Variants in MMP7 observed in about 807,000 individuals in gnomAD.
MMP7 encodes matrix metallopeptidase 7, also known as matrilysin.
MMP7 carries 26 observed loss-of-function variants against 31.5 expected under a neutral mutation model. The observed-to-expected ratio is 0.83, with a 90% CI of 0.61 to 1.15. MMP7 has a LOEUF of 1.15. Among genes scored for constraint, MMP7 ranks in the 50% most tolerant of loss-of-function variants. The pLI is 0.00. For synonymous variants in MMP7, 142 were observed against 124.2 expected (o/e 1.14, Z -0.95); for missense variants, 367 against 326.5 (o/e 1.12, Z -0.96).
Position 102,527,767 on chromosome 11 carries a change from C to T in MMP7, c.325G>A (p.Val109Ile). The change falls in exon 2 of 6, where the codon GTC (valine) becomes ATC (isoleucine). Residue 109 changes from valine to isoleucine, a missense_variant. Coordinates refer to ENST00000260227, the MANE Select transcript of MMP7 (RefSeq NM_002423.5). ...PNSPKWTSKV[V>I]TYRIVSYTRD... Reference sequence around the variant, plus strand: ...CAGAGCAAAACTAACCTGTAGGTGACCACTTTGGAAGTCCATTTTGGGCTA... The same window carrying T: ...CAGAGCAAAACTAACCTGTAGGTGATCACTTTGGAAGTCCATTTTGGGCTA... The T allele has an allele frequency of 6.2e-7, 1 of 1,614,154 alleles. No homozygotes were observed. Among genetic ancestry groups the T allele is most frequent in the Non-Finnish European group, 8.5e-7 (1 of 1,180,006 alleles).
intron 4 of MMP7, 175 bp downstream of exon 4, chr11:102,524,761 C>T: frequency 1.9e-6 from 1 of 540,428 alleles, no homozygotes; most frequent in Non-Finnish European, 2.7e-6. Flanking sequence ...TGTCCATCTT[C>T]TGTGTGTAGC....
chr11:102,521,675 T>G (rs1018232183), intron 5 of MMP7, among the ~76,000 whole-genome samples: 3 of 152,228 alleles, frequency 2.0e-5, no homozygotes, highest in Non-Finnish European at 4.4e-5. Flanking sequence ...TGACCAGAGA[T>G]GCCCTTTTGT....
At chr11:102,523,189 C>T (rs771980200) in intron 5 of MMP7, 51 bp downstream of exon 5, 3 of 1,422,478 alleles carry the variant, frequency 2.1e-6, no homozygotes, top group South Asian at 1.4e-5. Flanking sequence ...TTTCCTACCC[C>T]ACTCTAAAAA....
Position 102,527,945 on chromosome 11 carries a change from T to C in MMP7, c.147A>G (p.Thr49=). 3.7e-6 allele frequency: 6 copies of C among 1,614,076 alleles called. No individual in the cohort carries two copies. Among genetic ancestry groups the C allele is most frequent in the Non-Finnish European group, 5.1e-6 (6 of 1,180,000 alleles). ...LKRFYLYDSE[T]KNANSLEAKL... is the part of the protein sequence containing the mutation. ...TGGCTTCTAAACTGTTGGCATTTTT[T>C]GTTTCTGAGTCATAGAGATAAAATC... Residue 49 remains threonine (T), a synonymous_variant, in exon 2 of 6, where the codon ACA becomes ACG. Transcript: ENST00000260227.
At chr11:102,521,485 C>T (rs775902749) in intron 5 of MMP7, among the ~76,000 whole-genome samples, 25 of 152,194 alleles carry the variant, frequency 1.6e-4, no homozygotes, top group Non-Finnish European at 2.4e-4. Flanking sequence ...TGAGCCACCG[C>T]GCCCAGCCAG....
intron 4 of MMP7, among the ~76,000 whole-genome samples, chr11:102,523,726 T>C (rs932228291): frequency 6.6e-6 from 1 of 152,210 alleles, no homozygotes; most frequent in African/African-American, 2.4e-5. Context: ...GAAATGTAGC[T>C]CCACTACTTA....
intron 3 of MMP7, chr11:102,526,959 A>G (rs1313252336): frequency 6.4e-6 from 1 of 156,864 alleles, no homozygotes; most frequent in African/African-American, 2.4e-5. Context: ...CCTAGGAGCA[A>G]TAGGCTATAC....
At chr11:102,523,521 G>T in intron 4 of MMP7, 120 bp from the exon 5 acceptor site, 1 of 784,850 alleles carries the variant, frequency 1.3e-6, no homozygotes, top group East Asian at 3.1e-5. Context: ...TTTAGCCCAC[G>T]GTAGCTTACT....
At position 102,525,046 on chromosome 11, in the gene MMP7, G is replaced by C; in HGVS notation, c.503C>G (p.Pro168Arg). 6.2e-7 allele frequency: 1 copy of C among 1,609,624 alleles called. No homozygotes were observed. The highest frequency in any genetic ancestry group is 8.5e-7 in the Non-Finnish European group (1 of 1,178,572). The stretch of plus-strand genomic sequence containing the variant: ...CAGCGTGTTTCCTGGCCCATCAAAT[G>C]GGTAGGAGTCCCCATGAGCTGAAAG... ...FARGAHGDSY[P>R]FDGPGNTLAH... The change falls in exon 4 of 6, where the codon CCA becomes CGA. Residue 168 changes from proline to arginine, a missense_variant. Transcript: ENST00000260227.
rs568316353 is a variant in MMP7 at position 102,530,684 on chromosome 11, A to G, written c.17T>C (p.Leu6Pro). 6.1e-5 allele frequency: 99 copies of G among 1,613,798 alleles called. 1 individual carries two copies. The South Asian group carries it at 1.0e-3, about 16-fold the overall frequency. Residue 6 changes from leucine (L) to proline (P), a missense_variant, in exon 1 of 6, where the codon CTG becomes CCG. By Grantham distance (98) the Leu-to-Pro change is moderately conservative. Coordinates refer to ENST00000260227, the MANE Select transcript of MMP7 (RefSeq NM_002423.5). ...GCCAGGCAGCAGGCACACAGCACAC[A>G]GCACGGTGAGTCGCATAGCTGCCGT... Reference protein sequence around the residue: MRLTVLCAVCLLPGSL... With the variant: MRLTVPCAVCLLPGSL...
chr11:102,527,688 A>G lies in MMP7; in HGVS notation c.336-16T>C. On this transcript the variant is annotated splice_polypyrimidine_tract_variant and intron_variant, in intron 2 of 5. Coordinates refer to ENST00000260227, the MANE Select transcript of MMP7 (RefSeq NM_002423.5). ...TGATACGATCCTAGTAGCAAACAAG[A>G]AAACAATGTTTGACCCCTAGGAAAC... The G allele has an allele frequency of 1.9e-6, 3 of 1,610,138 alleles. No individual in the cohort carries two copies. The highest frequency in any genetic ancestry group is 2.5e-6 in the Non-Finnish European group (3 of 1,177,452).
chr11:102,527,909 C>T lies in MMP7; in HGVS notation c.183G>A (p.Glu61=), dbSNP rs758054673. 1.5e-5 allele frequency: 25 copies of T among 1,613,976 alleles called. No homozygotes were observed. In the Middle Eastern group the frequency reaches 6.6e-4, roughly 42 times the overall value. The change falls in exon 2 of 6, where the codon GAG becomes GAA. Residue 61 remains glutamate (E), a synonymous_variant. Coordinates refer to ENST00000260227, the MANE Select transcript of MMP7 (RefSeq NM_002423.5). ...TAGGTAGGCCAAAGAATTTTTGCAT[C>T]TCCTTGAGTTTGGCTTCTAAACTGT... ...NANSLEAKLK[E]MQKFFGLPIT...
chr11:102,527,143 GC>G (rs2135905303), intron 3 of MMP7: 1 of 244,260 alleles, frequency 4.1e-6, no homozygotes, highest in East Asian at 1.1e-4. Context: ...ACAGGGGTTG[GC>G]AAACTTTTTC....
At chr11:102,525,105 T>G (rs776294590) in intron 3 of MMP7, 41 bp from the exon 4 acceptor site, 2 of 1,568,692 alleles carry the variant, frequency 1.3e-6, no homozygotes, top group South Asian at 1.2e-5. Flanking sequence ...GACTGATTTT[T>G]TTTTTCTCCA....
chr11:102,527,479 C>G, intron 3 of MMP7, 45 bp downstream of exon 3: 5 of 1,613,326 alleles, frequency 3.1e-6, no homozygotes, highest in Non-Finnish European at 4.2e-6. Context: ...AAACCATGAA[C>G]AAACAAAACA....
chr11:102,527,058 T>C (rs1858679973), intron 3 of MMP7: 1 of 176,686 alleles, frequency 5.7e-6, no homozygotes, highest in Non-Finnish European at 1.2e-5. Context: ...ATTGCCAAAG[T>C]TCTCATTCTC....
At chr11:102,523,773 C>T (rs1275378966) in intron 4 of MMP7, among the ~76,000 whole-genome samples, 1 of 152,188 alleles carries the variant, frequency 6.6e-6, no homozygotes, top group Non-Finnish European at 1.5e-5. Flanking sequence ...ATTGATGTTG[C>T]TGAGTCTCAG....
intron 4 of MMP7, among the ~76,000 whole-genome samples, chr11:102,523,853 A>G (rs1005198170): frequency 1.3e-5 from 2 of 152,182 alleles, no homozygotes; most frequent in Non-Finnish European, 2.9e-5. Flanking sequence ...GAGTTTCTCA[A>G]TATTTGGGAA....
At chr11:102,526,238 A>AT (rs1420761860) in intron 3 of MMP7, among the ~76,000 whole-genome samples, 32 of 130,902 alleles carry the variant, frequency 2.4e-4, no homozygotes, top group African/African-American at 1.0e-3. Context: ...ATATATATAT[A>AT]TATTTTTTTT....
Sources: gnomAD v4.1 joint callset for allele counts (sites outside exome capture counted in the v4.1 genomes callset) on GRCh38, gnomAD v4.1.1 for gene constraint, MANE v1.5 for transcripts, NCBI Gene and HGNC (gene_info 2026-07-23, HGNC 2026-07-21) for gene names.